Variants in NOL9 observed in about 807,000 individuals in gnomAD.
The protein encoded by NOL9 is nucleolar protein 9.
A neutral mutation model predicts 67.9 loss-of-function variants in NOL9; 28 were observed. That is an observed-to-expected ratio of 0.41 (90% CI 0.31 to 0.57). NOL9 has a LOEUF of 0.57. NOL9 is among the 20% of genes least tolerant of loss of function. The probability of loss-of-function intolerance (pLI) is 0.25; values close to 1 mark genes in which losing one functional copy is unlikely to be tolerated. For synonymous variants in NOL9, 356 were observed against 352.2 expected (o/e 1.01, Z -0.12); for missense variants, 777 against 897.0 (o/e 0.87, Z 1.71).
chr1:6,538,000 A>C (rs1639194000), intron 6 of NOL9, among the ~76,000 whole-genome samples: 1 of 149,636 alleles, frequency 6.7e-6, no homozygotes, highest in Admixed American at 6.6e-5. Flanking sequence ...TCAAAAAAAA[A>C]AAAAAAAAAA....
intron 4 of NOL9, 36 bp downstream of exon 4, chr1:6,545,009 G>T: frequency 1.2e-6 from 2 of 1,613,964 alleles, no homozygotes; most frequent in Non-Finnish European, 1.7e-6. Context: ...GGGTCTGGTG[G>T]ACAGACATTC....
chr1:6,553,965 T>C (rs1353141414), intron 1 of NOL9, 142 bp downstream of exon 1: 6 of 641,648 alleles, frequency 9.4e-6, no homozygotes, highest in African/African-American at 2.0e-5. Flanking sequence ...CCACCAACCA[T>C]CAAGAGGATG....
At chr1:6,541,772 G>T in intron 6 of NOL9, 58 bp downstream of exon 6, 2 of 1,005,586 alleles carry the variant, frequency 2.0e-6, no homozygotes, top group Non-Finnish European at 2.9e-6. Flanking sequence ...GTTTTTGTTA[G>T]CATCATCACA....
At position 6,537,819 on chromosome 1, in the gene NOL9, C is replaced by G. The variant is rs184419691; in HGVS notation, c.1075+4011G>C. The stretch of plus-strand genomic sequence containing the variant: ...TATTAATTCAAAATGGATCAAAAAC[C>G]TAAACTTAAGAGTAAAAACTGGGCT... On this transcript the variant is annotated intron_variant, in intron 6 of 11. Transcript: ENST00000377705. Among the ~76,000 whole-genome samples, 16 of 151,534 alleles carry G rather than the reference C, an allele frequency of 1.1e-4. No individual in the cohort carries two copies. The East Asian group carries it at 2.1e-3, about 20-fold the overall frequency.
At chr1:6,533,182 A>G in intron 7 of NOL9, 98 bp downstream of exon 7, 1 of 1,329,110 alleles carries the variant, frequency 7.5e-7, no homozygotes, top group Non-Finnish European at 1.0e-6. Context: ...CTCAATTAAA[A>G]ACAAAAAACA....
intron 6 of NOL9, among the ~76,000 whole-genome samples, chr1:6,537,169 G>C (rs1639173884): frequency 6.6e-6 from 1 of 151,932 alleles, no homozygotes; most frequent in South Asian, 2.1e-4. Context: ...AATAAATAAG[G>C]CCGGGAAATC....
At chr1:6,532,404 T>C (rs994040248) in intron 8 of NOL9, 59 bp downstream of exon 8, 4 of 1,499,128 alleles carry the variant, frequency 2.7e-6, no homozygotes, top group South Asian at 1.3e-5. Flanking sequence ...GAATTGAGAA[T>C]GGCAGGTCTT....
At chr1:6,527,715 C>A (rs1413549382) in intron 10 of NOL9, among the ~76,000 whole-genome samples, 2 of 151,362 alleles carry the variant, frequency 1.3e-5, no homozygotes, top group Non-Finnish European at 2.9e-5. Context: ...GGGCAGATCA[C>A]GAGGTCAGGA....
chr1:6,526,992 T>C (rs962501892), intron 10 of NOL9, among the ~76,000 whole-genome samples, 163 bp from the exon 11 acceptor site: 4 of 152,234 alleles, frequency 2.6e-5, no homozygotes, highest in African/African-American at 9.6e-5. Context: ...ACGCCTGTAA[T>C]CCCAGCACTC....
chr1:6,527,160 T>G (rs1269382205), intron 10 of NOL9, among the ~76,000 whole-genome samples: 1 of 150,574 alleles, frequency 6.6e-6, no homozygotes, highest in African/African-American at 2.5e-5. Flanking sequence ...GACAGGAGAA[T>G]AGCTTGAACC....
At chr1:6,541,734 T>G in intron 6 of NOL9, 96 bp downstream of exon 6, 1 of 643,536 alleles carries the variant, frequency 1.6e-6, no homozygotes, top group Non-Finnish European at 2.4e-6. Context: ...ATGTTCCCTT[T>G]TAATATTTTA....
intron 6 of NOL9, 82 bp from the exon 7 acceptor site, chr1:6,533,523 T>C: frequency 9.8e-7 from 1 of 1,020,946 alleles, no homozygotes; most frequent in Non-Finnish European, 1.4e-6. Flanking sequence ...GGGTTTTGTT[T>C]CAGCCGTTAT....
At chr1:6,531,003 CG>C (rs1639013470) in intron 9 of NOL9, among the ~76,000 whole-genome samples, 1 of 152,150 alleles carries the variant, frequency 6.6e-6, no homozygotes, top group African/African-American at 2.4e-5. Flanking sequence ...AACAGGACCA[CG>C]GTAAGTAGTG....
At chr1:6,541,752 C>A in intron 6 of NOL9, 78 bp downstream of exon 6, 4 of 811,686 alleles carry the variant, frequency 4.9e-6, no homozygotes, top group South Asian at 2.1e-5. Flanking sequence ...TTATACTCTT[C>A]GATTTCTGAG....
rs1183655393 is a variant in NOL9 at position 6,522,897 on chromosome 1, A to AAG, written c.*2956_*2957insCT. On this transcript the variant is annotated 3_prime_UTR_variant, in exon 12 of 12. Coordinates refer to ENST00000377705, the MANE Select transcript of NOL9 (RefSeq NM_024654.5). ...AGACTCTGTCTCAAAAAAAAAAAAA[A>AAG]AAAAGAAATTGCTTCAGCACTTTGG... 13 of 149,176 alleles carry AAG rather than the reference A, an allele frequency of 8.7e-5. No individual in the cohort carries two copies. The highest frequency in any genetic ancestry group is 2.0e-4 in the East Asian group (1 of 5,080). The allele number at this position is 149,176 out of a possible 1,614,324, so 9.2% of individuals were successfully genotyped here.
rs1242505246 is a variant in NOL9 at position 6,523,662 on chromosome 1, T to C, written c.*2192A>G. ...GAATTGTCATCCTGGAGAATGGTGC[T>C]GCTGCAGGTCTGACCGGCACAAGCT... is the stretch of plus-strand genomic sequence containing the variant. On this transcript the variant is annotated 3_prime_UTR_variant, in exon 12 of 12. Transcript: ENST00000377705. The C allele has an allele frequency of 6.6e-6, 1 of 150,774 alleles. No homozygotes were observed. Among genetic ancestry groups the C allele is most frequent in the South Asian group, 2.1e-4 (1 of 4,766 alleles). The allele number at this position is 150,774 out of a possible 1,614,324, so 9.3% of individuals were successfully genotyped here. A position where few individuals can be genotyped will look rare whatever the true frequency, so the allele number is the denominator to read the frequency against.
intron 1 of NOL9, 135 bp downstream of exon 1, chr1:6,553,972 G>A (rs573022374): frequency 3.6e-5 from 24 of 669,970 alleles, no homozygotes; most frequent in South Asian, 3.2e-4. Context: ...CCATCAAGAG[G>A]ATGGACTTGA....
At chr1:6,536,797 A>T (rs1310081907) in intron 6 of NOL9, among the ~76,000 whole-genome samples, 5 of 152,178 alleles carry the variant, frequency 3.3e-5, no homozygotes, top group Admixed American at 6.6e-5. Flanking sequence ...AGCCTGTGTG[A>T]CAGAGCAAGA....
intron 3 of NOL9, 106 bp downstream of exon 3, chr1:6,549,465 A>C: frequency 7.9e-7 from 1 of 1,270,148 alleles, no homozygotes; most frequent in East Asian, 2.4e-5. Flanking sequence ...GACTGAGAGC[A>C]CTAGATAGAC....
Sources: allele counts gnomAD v4.1 joint callset (sites outside exome capture counted in the v4.1 genomes callset), GRCh38; gene constraint gnomAD v4.1.1; transcripts MANE v1.5; gene names NCBI Gene and HGNC (gene_info 2026-07-23, HGNC 2026-07-21).